Variants in LMBR1 observed in about 807,000 individuals in gnomAD.
LMBR1 encodes the protein limb development membrane protein 1, also known as limb region 1 protein homolog.
LMBR1 carries 52 observed loss-of-function variants against 73.9 expected under a neutral mutation model. The ratio of observed to expected loss-of-function variants is 0.70; its 90% confidence interval spans 0.56 to 0.89. The LOEUF is 0.89. LMBR1 is among the 40% of genes least tolerant of loss of function. LMBR1 has a pLI of 0.00. For synonymous variants in LMBR1, 215 were observed against 209.4 expected (o/e 1.03, Z -0.23); for missense variants, 539 against 579.8 (o/e 0.93, Z 0.72).
intron 1 of LMBR1, among the ~76,000 whole-genome samples, chr7:156,879,044 T>C (rs538592863): frequency 6.6e-6 from 1 of 152,070 alleles, no homozygotes; most frequent in African/African-American, 2.4e-5. Flanking sequence ...AAAAATCAAC[T>C]CAAGATGGAT....
chr7:156,885,406 T>C (rs1314303273), intron 1 of LMBR1, among the ~76,000 whole-genome samples: 1 of 150,956 alleles, frequency 6.6e-6, no homozygotes, highest in Non-Finnish European at 1.5e-5. Context: ...CCAAAAATAT[T>C]CTAGCCAAGA....
chr7:156,773,760 C>A (rs1347418493), intron 5 of LMBR1, among the ~76,000 whole-genome samples: 1 of 151,914 alleles, frequency 6.6e-6, no homozygotes, highest in Non-Finnish European at 1.5e-5. Flanking sequence ...GGAAAAAAAA[C>A]CTAGGAAATA....
chr7:156,863,778 A>C (rs1192973780), intron 1 of LMBR1, among the ~76,000 whole-genome samples: 1 of 152,136 alleles, frequency 6.6e-6, no homozygotes, highest in Admixed American at 6.5e-5. Flanking sequence ...TTACCATTGC[A>C]GTAGGCTATA....
intron 15 of LMBR1, among the ~76,000 whole-genome samples, chr7:156,714,276 G>GTGTT (rs1812719757): frequency 1.3e-5 from 2 of 152,250 alleles, no homozygotes; most frequent in Admixed American, 1.3e-4. Context: ...ACTGCACCAA[G>GTGTT]TGTTATATGA....
At chr7:156,756,575 T>A in intron 8 of LMBR1, 110 bp from the exon 9 acceptor site, 1 of 627,712 alleles carries the variant, frequency 1.6e-6, no homozygotes, top group South Asian at 1.8e-5. Flanking sequence ...TCATTCAAAT[T>A]TCTAAGAACA....
At chr7:156,744,378 A>C (rs183348143) in intron 9 of LMBR1, among the ~76,000 whole-genome samples, 11 of 142,624 alleles carry the variant, frequency 7.7e-5, no homozygotes, top group African/African-American at 2.7e-4. Flanking sequence ...GAATTCAGGA[A>C]TCTTACAAAC....
intron 5 of LMBR1, among the ~76,000 whole-genome samples, chr7:156,776,928 CT>C (rs59567598): frequency 3.4e-3 from 480 of 142,288 alleles, no homozygotes; most frequent in Middle Eastern, 7.5e-3. Context: ...ATTTTCACAA[CT>C]TTTTTTTTTT....
intron 1 of LMBR1, among the ~76,000 whole-genome samples, chr7:156,891,227 TATATATAC>T (rs1320025520): frequency 1.7e-4 from 14 of 80,870 alleles, no homozygotes; most frequent in African/African-American, 5.9e-4. Flanking sequence ...TATATATATA[TATATATAC>T]ACACACACAC....
intron 4 of LMBR1, among the ~76,000 whole-genome samples, chr7:156,818,013 G>C (rs1233206551): frequency 2.0e-5 from 3 of 152,142 alleles, no homozygotes; most frequent in Non-Finnish European, 2.9e-5. Context: ...TCAATATCCA[G>C]TAACTATCTT....
chr7:156,867,447 C>A (rs545515522), intron 1 of LMBR1, among the ~76,000 whole-genome samples: 9 of 152,276 alleles, frequency 5.9e-5, no homozygotes, highest in African/African-American at 2.2e-4. Context: ...CATGTCCACC[C>A]AAAAACTACA....
chr7:156,857,567 G>A (rs566651785), intron 1 of LMBR1, among the ~76,000 whole-genome samples: 1 of 152,118 alleles, frequency 6.6e-6, no homozygotes, highest in Admixed American at 6.6e-5. Flanking sequence ...AATCAGTAAG[G>A]GTACATAGTT....
chr7:156,889,991 G>A (rs144882937), intron 1 of LMBR1, among the ~76,000 whole-genome samples: 2 of 152,100 alleles, frequency 1.3e-5, no homozygotes, highest in Non-Finnish European at 2.9e-5. Context: ...TCAACAGAGG[G>A]AGAACCTGTC....
At chr7:156,779,455 T>C (rs1238581908) in intron 5 of LMBR1, among the ~76,000 whole-genome samples, 3 of 152,172 alleles carry the variant, frequency 2.0e-5, no homozygotes, top group Non-Finnish European at 4.4e-5. Flanking sequence ...CTCAATATTA[T>C]AAAAGGTTAA....
intron 1 of LMBR1, among the ~76,000 whole-genome samples, chr7:156,872,608 T>C (rs752915021): frequency 1.4e-4 from 21 of 151,730 alleles, no homozygotes; most frequent in South Asian, 4.2e-4. Flanking sequence ...GATCGCATCA[T>C]TGGACTCCAG....
At chr7:156,837,874 C>A (rs1837951473) in intron 1 of LMBR1, among the ~76,000 whole-genome samples, 1 of 151,494 alleles carries the variant, frequency 6.6e-6, no homozygotes, top group African/African-American at 2.4e-5. Context: ...GCAACCTCCG[C>A]CTCCCAGATT....
intron 4 of LMBR1, among the ~76,000 whole-genome samples, chr7:156,800,727 G>A (rs1001037313): frequency 6.6e-6 from 1 of 152,180 alleles, no homozygotes; most frequent in African/African-American, 2.4e-5. Flanking sequence ...AAAGTAAACT[G>A]AAAACCTTCT....
chr7:156,883,992 G>A (rs73167957), intron 1 of LMBR1, among the ~76,000 whole-genome samples: 15,161 of 152,194 alleles, frequency 0.1, 857 homozygotes, highest in African/African-American at 0.13. Context: ...GCTGCCTACC[G>A]CAGAGGGGAA....
intron 1 of LMBR1, among the ~76,000 whole-genome samples, chr7:156,848,366 T>C (rs1174078573): frequency 1.3e-5 from 2 of 152,066 alleles, no homozygotes; most frequent in Non-Finnish European, 2.9e-5. Context: ...CACTAAAAAG[T>C]GGGCACAGGA....
chr7:156,774,075 A>G lies in LMBR1; in HGVS notation c.424-10280T>C, dbSNP rs1387995285. ...AAAGAATAGGAAGAGACACTTTTCA[A>G]AAAAAGAAATACATGTGGCCAAGAA... On this transcript the variant is annotated intron_variant, in intron 5 of 16. Transcript: ENST00000353442. Among the ~76,000 whole-genome samples, 5 of 152,236 alleles carry G rather than the reference A, an allele frequency of 3.3e-5. No individual in the cohort carries two copies. The East Asian group carries it at 7.7e-4, about 23-fold the overall frequency.
Sources: allele counts gnomAD v4.1 joint callset (sites outside exome capture counted in the v4.1 genomes callset), GRCh38; gene constraint gnomAD v4.1.1; transcripts MANE v1.5; gene names NCBI Gene and HGNC (gene_info 2026-07-23, HGNC 2026-07-21).